The following MSL3B variants were observed in gnomAD, a reference collection of about 807,000 sequenced individuals.
The protein encoded by MSL3B is MSL complex subunit 3B.
the MSL3B span, chr2:233,866,184 C>T: frequency 2.8e-4 from 178 of 642,918 alleles, 1 homozygote; most frequent in Admixed American, 2.8e-3. Flanking sequence ...GAGGCAGCGA[C>T]GTAAGCTGAC....
the MSL3B span, chr2:233,866,748 T>A: frequency 1.3e-6 from 1 of 799,636 alleles, no homozygotes; most frequent in Non-Finnish European, 2.3e-6. Flanking sequence ...CTGGATGGAT[T>A]CAACAAACGT....
chr2:233,866,151 T>TC, the MSL3B span: 1 of 614,076 alleles, frequency 1.6e-6, no homozygotes, highest in Non-Finnish European at 3.2e-6. Context: ...GCCTGGGGGT[T>TC]CCTGGTGCTG....
At chr2:233,867,463 A>T in the MSL3B span, 55 of 383,644 alleles carry the variant, frequency 1.4e-4, no homozygotes, top group East Asian at 2.4e-3. Context: ...TAATCTACGA[A>T]TTTCTTTCTT....
the MSL3B span, among the ~76,000 whole-genome samples, chr2:233,867,789 A>T: frequency 1.5e-3 from 108 of 72,812 alleles, no homozygotes; most frequent in African/African-American, 4.5e-3. Context: ...CTAATCTACG[A>T]TTTTTTTTTT....
At chr2:233,867,096 G>T in the MSL3B span, 2 of 1,065,288 alleles carry the variant, frequency 1.9e-6, no homozygotes, top group Non-Finnish European at 2.9e-6. Flanking sequence ...TGGCATGGAA[G>T]TTGCACTAAC....
At chr2:233,866,168 A>G in the MSL3B span, 2 of 628,276 alleles carry the variant, frequency 3.2e-6, no homozygotes, top group African/African-American at 3.6e-5. Context: ...GCTGTAATGC[A>G]CCTCAGAGGC....
the MSL3B span, among the ~76,000 whole-genome samples, chr2:233,864,757 A>G: frequency 0.063 from 9,610 of 152,286 alleles, 378 homozygotes; most frequent in Middle Eastern, 0.12. Context: ...GATATGTTAC[A>G]TTTATTTTTA....
chr2:233,867,810 T>TG, the MSL3B span, among the ~76,000 whole-genome samples: 38,570 of 125,828 alleles, frequency 0.31, 6,870 homozygotes, highest in Non-Finnish European at 0.41. Flanking sequence ...TTTTTTTTTT[T>TG]GAGACAGAGT....
At chr2:233,867,781 A>G in the MSL3B span, among the ~76,000 whole-genome samples, 10 of 140,550 alleles carry the variant, frequency 7.1e-5, no homozygotes, top group African/African-American at 2.7e-4. Flanking sequence ...CCCAGACCCT[A>G]ATCTACGATT....
At chr2:233,864,740 TTAA>T in the MSL3B span, among the ~76,000 whole-genome samples, 1 of 152,256 alleles carries the variant, frequency 6.6e-6, no homozygotes, top group Non-Finnish European at 1.5e-5. Context: ...CTGAAAATTA[TTAA>T]TGAGATATGT....
the MSL3B span, chr2:233,866,884 C>T: frequency 7.5e-6 from 11 of 1,463,230 alleles, no homozygotes; most frequent in Admixed American, 8.4e-5. Context: ...GTAAAACCAA[C>T]GGGAGAGTGT....
At chr2:233,867,460 C>A in the MSL3B span, 1 of 392,064 alleles carries the variant, frequency 2.6e-6, no homozygotes, top group South Asian at 2.8e-5. Context: ...CTGTAATCTA[C>A]GAATTTCTTT....
At chr2:233,867,214 C>T in the MSL3B span, 1 of 769,634 alleles carries the variant, frequency 1.3e-6, no homozygotes, top group Middle Eastern at 2.3e-4. Flanking sequence ...TTGTTTGAAG[C>T]TCCGGTTCTT....
At chr2:233,866,766 G>GA in the MSL3B span, 68 of 808,978 alleles carry the variant, frequency 8.4e-5, no homozygotes, top group Admixed American at 5.1e-4. Flanking sequence ...CGTAAGCTGG[G>GA]AGAGAGCTTC....
the MSL3B span, chr2:233,867,200 C>CT: frequency 5.2e-6 from 4 of 775,860 alleles, no homozygotes; most frequent in East Asian, 9.7e-5. Flanking sequence ...TTCCATTTCC[C>CT]TTTTTGTTTG....
the MSL3B span, chr2:233,865,850 G>A: frequency 3.6e-6 from 1 of 279,980 alleles, no homozygotes. Context: ...ACACTTCCAT[G>A]AACATTTCAC....
At chr2:233,868,161 C>A in the MSL3B span, 1 of 427,654 alleles carries the variant, frequency 2.3e-6, no homozygotes, top group Non-Finnish European at 4.8e-6. Context: ...CAGTTCCAAC[C>A]GTTACAACGG....
chr2:233,867,665 A>T, the MSL3B span, among the ~76,000 whole-genome samples: 1 of 151,670 alleles, frequency 6.6e-6, no homozygotes, highest in Non-Finnish European at 1.5e-5. Context: ...TTTAGCAGAG[A>T]CGGGGTTTCA....
At chr2:233,866,465 C>A in the MSL3B span, 6 of 1,270,408 alleles carry the variant, frequency 4.7e-6, no homozygotes, top group East Asian at 1.4e-4. Context: ...AAACACAGGA[C>A]TCCCTTCCTG....
Sources: allele counts gnomAD v4.1 joint callset (sites outside exome capture counted in the v4.1 genomes callset), GRCh38; gene constraint gnomAD v4.1.1; transcripts MANE v1.5; gene names NCBI Gene and HGNC (gene_info 2026-07-23, HGNC 2026-07-21).